Variants in SBK1 observed in about 807,000 individuals in gnomAD.
SBK1 encodes serine/threonine-protein kinase SBK1.
SBK1 carries 11 observed loss-of-function variants against 24.4 expected under a neutral mutation model. That is an observed-to-expected ratio of 0.45 (90% CI 0.28 to 0.75). The LOEUF (loss-of-function observed/expected upper bound fraction) is 0.75, where lower values mean the gene tolerates loss of function less well. Among genes scored for constraint, SBK1 ranks in the 30% least tolerant of loss-of-function variants. SBK1 has a pLI of 0.12. For missense variants in SBK1, 467 were observed against 620.5 expected, an observed-to-expected ratio of 0.75 and a Z score of 2.63; for synonymous variants, 308 against 284.4, an observed-to-expected ratio of 1.08 and a Z score of -0.83.
chr16:28,259,355 AGGCCACCCCT>A lies in SBK1; in HGVS notation c.122_131del (p.Gly41AlafsTer46). The A allele has an allele frequency of 4.7e-6, 3 of 631,668 alleles. No individual in the cohort carries two copies. Among genetic ancestry groups the A allele is most frequent in the Non-Finnish European group, 5.9e-6 (3 of 507,000 alleles). 39.1% of individuals were successfully genotyped at this position (631,668 alleles called of 1,614,324 possible). A position where few individuals can be genotyped will look rare whatever the true frequency, so the allele number is the denominator to read the frequency against. Reference sequence around the variant, plus strand: ...GCCCAGGCTGGCGATGATGCTGCGGAGGCCACCCCTGGCCACCCCTGCCCTGTCCTGGAGC... The same window carrying A: ...GCCCAGGCTGGCGATGATGCTGCGGAGGCCACCCCTGCCCTGTCCTGGAGC... On this transcript the variant is annotated frameshift_variant, in exon 1 of 4. Transcript: ENST00000671413. LOFTEE classifies it high-confidence loss of function. This position sits in a 1 kb window ranked among gnomAD's most constrained non-coding sequence, Gnocchi z 6.0.
intron 1 of SBK1, among the ~76,000 whole-genome samples, chr16:28,282,023 T>C (rs889501187): frequency 6.6e-6 from 1 of 152,154 alleles, no homozygotes; most frequent in Non-Finnish European, 1.5e-5. Context: ...AGGTCCTCTG[T>C]GCCTCAGCTT....
At chr16:28,288,871 T>C (rs1002823798), upstream of SBK1, among the ~76,000 whole-genome samples, 5 of 152,214 alleles carry the variant, frequency 3.3e-5, no homozygotes, top group Non-Finnish European at 7.3e-5. Flanking sequence ...CTGTGTCCCC[T>C]GGCTAGAGCA....
rs1193408430 is a variant in SBK1 at position 28,280,115 on chromosome 16, CTATATATATATA to C, written c.257+20637_257+20648del. The stretch of plus-strand genomic sequence containing the variant: ...CCATGCCTCCCTAATTTGAAAAAAA[CTATATATATATA>C]TATATATATATATATATATATATGT... On this transcript the variant is annotated intron_variant, in intron 1 of 3. Transcript: ENST00000671413. 1.6e-3 allele frequency among the ~76,000 whole-genome samples: 48 copies of C among 29,466 alleles called. 1 individual carries two copies. The highest frequency in any genetic ancestry group is 7.2e-3 in the East Asian group (8 of 1,104). The allele number at this position is 29,466 out of a possible 152,430, so 19.3% of individuals were successfully genotyped here.
chr16:28,313,740 G>A lies in SBK1; in HGVS notation c.-7-3645G>A, dbSNP rs546064219. Among the ~76,000 whole-genome samples the A allele has an allele frequency of 3.9e-5, 6 of 152,102 alleles. No homozygotes were observed. In the South Asian group the frequency reaches 6.2e-4, roughly 16 times the overall value. ...TTCCTCCCCAGCCAGCTGAGAGGACGGTGCAGATGGAGCTCCGTTTGGGGC... is the reference window on the plus strand; with the variant it reads ...TTCCTCCCCAGCCAGCTGAGAGGACAGTGCAGATGGAGCTCCGTTTGGGGC... On this transcript the variant is annotated intron_variant, in intron 1 of 3. Transcript: ENST00000341901.
intron 1 of SBK1, among the ~76,000 whole-genome samples, chr16:28,298,720 T>C (rs2141579489): frequency 6.6e-6 from 1 of 152,342 alleles, no homozygotes; most frequent in South Asian, 2.1e-4. Flanking sequence ...CCCACTGCAC[T>C]AGCACTCCTT....
chr16:28,315,576 CAT>C (rs1273072426), intron 1 of SBK1, among the ~76,000 whole-genome samples: 2 of 152,060 alleles, frequency 1.3e-5, no homozygotes, highest in Admixed American at 1.3e-4. Flanking sequence ...GCCTGGAAAA[CAT>C]AGCAAGACCC....
intron 1 of SBK1, among the ~76,000 whole-genome samples, chr16:28,271,789 C>T (rs531461442): frequency 1.3e-5 from 2 of 152,106 alleles, no homozygotes; most frequent in South Asian, 2.1e-4. Context: ...CTCCCCTCTC[C>T]AAAAAATGTT....
intron 1 of SBK1, among the ~76,000 whole-genome samples, chr16:28,270,986 C>G (rs1454768415): frequency 6.6e-6 from 1 of 152,044 alleles, no homozygotes; most frequent in South Asian, 2.1e-4. Context: ...GCCTCAGCCT[C>G]CCGAGTAGCT....
chr16:28,306,016 G>A lies in SBK1; in HGVS notation c.-7-11369G>A, dbSNP rs991081186. 3.9e-5 allele frequency among the ~76,000 whole-genome samples: 6 copies of A among 152,288 alleles called. No homozygotes were observed. The East Asian group carries it at 1.2e-3, about 29-fold the overall frequency. ...CTCTCTCTGCCCGTGAAGTTTGGAA[G>A]GGATGTCTCCACCATGGTTTTGCAG... On this transcript the variant is annotated intron_variant, in intron 1 of 3. Transcript: ENST00000341901.
At chr16:28,266,333 C>G (rs919494738) in intron 1 of SBK1, among the ~76,000 whole-genome samples, 2 of 152,026 alleles carry the variant, frequency 1.3e-5, no homozygotes, top group Non-Finnish European at 2.9e-5. Context: ...CACCACTGCA[C>G]TCAACCCTAG....
rs1352661935 is a variant in SBK1 at position 28,319,633 on chromosome 16, C to T, written c.429+436C>T. Among the ~76,000 whole-genome samples, 3 of 146,320 alleles carry T rather than the reference C, an allele frequency of 2.1e-5. No homozygotes were observed. Among genetic ancestry groups the T allele is most frequent in the Admixed American group, 1.3e-4 (2 of 14,932 alleles). On this transcript the variant is annotated intron_variant, in intron 3 of 3. Coordinates refer to ENST00000341901, the MANE Select transcript of SBK1 (RefSeq NM_001024401.3). This position sits in a 1 kb window ranked among gnomAD's most constrained non-coding sequence, Gnocchi z 4.0. ...TGATGAGACCTTCGGAGCAGGTCCT[C>T]CTTCTTTGCTGAGCACCTACTACAT...
chr16:28,280,997 G>C (rs1299385561), intron 1 of SBK1, among the ~76,000 whole-genome samples: 1 of 152,244 alleles, frequency 6.6e-6, no homozygotes, highest in South Asian at 2.1e-4. Flanking sequence ...GACTCTGGGG[G>C]TAGCTACAGG....
intron 1 of SBK1, among the ~76,000 whole-genome samples, chr16:28,309,276 G>A (rs941077923): frequency 1.3e-5 from 2 of 152,216 alleles, no homozygotes; most frequent in African/African-American, 4.8e-5. Flanking sequence ...TACCACTTCT[G>A]TGCACATTCC....
At position 28,320,994 on chromosome 16, in the gene SBK1, G is replaced by A; in HGVS notation, c.*73G>A. ...AGCCGGTGCCCGGTGCGGCGGTAGG[G>A]AATGGAGCCACCTCGCCGCGGGGCA... On this transcript the variant is annotated 3_prime_UTR_variant, in exon 4 of 4. Transcript: ENST00000341901. This position sits in a 1 kb window ranked among gnomAD's most constrained non-coding sequence, Gnocchi z 8.5. The A allele has an allele frequency of 7.9e-7, 1 of 1,273,402 alleles. No individual in the cohort carries two copies. The highest frequency in any genetic ancestry group is 3.8e-5 in the East Asian group (1 of 26,184). The allele number at this position is 1,273,402 out of a possible 1,614,324, so 78.9% of individuals were successfully genotyped here.
intron 1 of SBK1, among the ~76,000 whole-genome samples, chr16:28,293,744 C>T (rs1453197675): frequency 1.3e-5 from 2 of 151,782 alleles, no homozygotes; most frequent in Non-Finnish European, 2.9e-5. Flanking sequence ...CTTATGTGGC[C>T]CTGGGTGATG....
chr16:28,306,944 A>C (rs2044720465), intron 1 of SBK1, among the ~76,000 whole-genome samples: 1 of 152,188 alleles, frequency 6.6e-6, no homozygotes, highest in African/African-American at 2.4e-5. Context: ...CCAGAGAGGA[A>C]CAGTGATTTG....
chr16:28,320,978 CCGGTG>C lies in SBK1; in HGVS notation c.*61_*65del. 1 of 1,328,206 alleles carries C rather than the reference CCGGTG, an allele frequency of 7.5e-7. No individual in the cohort carries two copies. The highest frequency in any genetic ancestry group is 1.6e-5 in the African/African-American group (1 of 63,034). The allele number at this position is 1,328,206 out of a possible 1,614,324, so 82.3% of individuals were successfully genotyped here. A position where few individuals can be genotyped will look rare whatever the true frequency, so the allele number is the denominator to read the frequency against. On this transcript the variant is annotated 3_prime_UTR_variant, in exon 4 of 4. Coordinates refer to ENST00000341901, the MANE Select transcript of SBK1 (RefSeq NM_001024401.3). The surrounding 1 kb of genome is among the most constrained non-coding windows in gnomAD (Gnocchi z 8.5). ...GCCCGGGCCCGCCCCGAGCCGGTGCCCGGTGCGGCGGTAGGGAATGGAGCCACCTC... is the reference window on the plus strand; with the variant it reads ...GCCCGGGCCCGCCCCGAGCCGGTGCCCGGCGGTAGGGAATGGAGCCACCTC...
At chr16:28,310,840 G>A (rs1296415746) in intron 1 of SBK1, among the ~76,000 whole-genome samples, 1 of 152,112 alleles carries the variant, frequency 6.6e-6, no homozygotes, top group African/African-American at 2.4e-5. Context: ...GGAAGCAGAG[G>A]CCCAGAGCAG....
chr16:28,295,105 G>A (rs2044629349), intron 1 of SBK1, among the ~76,000 whole-genome samples: 1 of 152,212 alleles, frequency 6.6e-6, no homozygotes, highest in Admixed American at 6.5e-5. Flanking sequence ...CACCCCACAG[G>A]CAAGGCAGTG....
Sources: gnomAD v4.1 joint callset for allele counts (sites outside exome capture counted in the v4.1 genomes callset) on GRCh38, gnomAD v4.1.1 for gene constraint, Gnocchi (gnomAD v3.1) non-coding constraint, MANE v1.5 for transcripts, NCBI Gene and HGNC (gene_info 2026-07-23, HGNC 2026-07-21) for gene names.